The following EAF1 variants were observed in gnomAD, a reference collection of about 807,000 sequenced individuals.
EAF1 encodes ELL-associated factor 1.
EAF1 carries 19 observed loss-of-function variants against 26.6 expected under a neutral mutation model. That is an observed-to-expected ratio of 0.71 (90% CI 0.50 to 1.05). The LOEUF (loss-of-function observed/expected upper bound fraction) is 1.05, where lower values mean the gene tolerates loss of function less well. EAF1 is among the 50% of genes least tolerant of loss of function. The pLI, the probability that EAF1 is intolerant of heterozygous loss-of-function variation, is 0.00. For missense variants in EAF1, 260 were observed against 335.5 expected, an observed-to-expected ratio of 0.78 and a Z score of 1.76; for synonymous variants, 102 against 120.6, an observed-to-expected ratio of 0.85 and a Z score of 1.01.
At chr3:15,435,284 G>A (rs1225611004) in intron 4 of EAF1, among the ~76,000 whole-genome samples, 1 of 152,178 alleles carries the variant, frequency 6.6e-6, no homozygotes, top group Non-Finnish European at 1.5e-5. Flanking sequence ...TCCTTCACAC[G>A]ATGAATGGTT....
In EAF1 at chr3:15,430,021, A is replaced by ATTTT; in HGVS notation, c.198+22_198+25dup. The ATTTT allele has an allele frequency of 7.7e-7, 1 of 1,298,218 alleles. No homozygotes were observed. The highest frequency in any genetic ancestry group is 1.1e-6 in the Non-Finnish European group (1 of 945,960). The allele number at this position is 1,298,218 out of a possible 1,614,324, so 80.4% of individuals were successfully genotyped here. ...CCACATATCCCTGTGAGTTTATTTC[A>ATTTT]TTTTTTTTTTTAATGTAAGATCACA... On this transcript the variant is annotated intron_variant, in intron 2 of 5. Coordinates refer to ENST00000396842, the MANE Select transcript of EAF1 (RefSeq NM_033083.7).
At chr3:15,432,433 C>T (rs2061807316) in intron 3 of EAF1, among the ~76,000 whole-genome samples, 3 of 152,056 alleles carry the variant, frequency 2.0e-5, no homozygotes, top group Admixed American at 2.0e-4. Flanking sequence ...TTTTTAAGAC[C>T]TAAAACATGG....
At position 15,436,548 on chromosome 3, in the gene EAF1, G is replaced by C. The variant is rs781495879; in HGVS notation, c.733G>C (p.Gly245Arg). 3.1e-6 allele frequency: 5 copies of C among 1,590,054 alleles called. No homozygotes were observed. In the East Asian group the frequency reaches 1.1e-4, roughly 36 times the overall value. Residue 245 changes from glycine (G) to arginine (R), a missense_variant, in exon 5 of 6, where the codon GGA becomes CGA. Physicochemically the swap from Gly to Arg is moderately radical, Grantham distance 125. Coordinates refer to ENST00000396842, the MANE Select transcript of EAF1 (RefSeq NM_033083.7). The stretch of plus-strand genomic sequence containing the variant: ...TGCCAATGGAACCAGCCGGCCACAA[G>C]GAAGCAACCAGCTCATGAACACCCT... ...AVANGTSRPQGSNQLMNTLRN... is the reference protein window; with the variant it reads ...AVANGTSRPQRSNQLMNTLRN...
At chr3:15,431,149 G>T (rs2061799670) in intron 2 of EAF1, among the ~76,000 whole-genome samples, 1 of 152,186 alleles carries the variant, frequency 6.6e-6, no homozygotes, top group African/African-American at 2.4e-5. Flanking sequence ...CATTAAATAT[G>T]ATATTCAACA....
In EAF1 at chr3:15,442,369, AGGTT is replaced by A. The variant is rs1420758600; in HGVS notation, c.*3217_*3220del. 4 of 152,606 alleles carry A rather than the reference AGGTT, an allele frequency of 2.6e-5. No individual in the cohort carries two copies. The highest frequency in any genetic ancestry group is 6.5e-5 in the Admixed American group (1 of 15,270). 9.5% of individuals were successfully genotyped at this position (152,606 alleles called of 1,614,324 possible). ...TTCTGAAACTCAGGCCTTAACCAAT[AGGTT>A]GGAAGACAAGACCAATTGAAGAGTT... On this transcript the variant is annotated 3_prime_UTR_variant, in exon 6 of 6. Transcript: ENST00000396842.
At chr3:15,437,246 C>CTT (rs71045159) in intron 5 of EAF1, among the ~76,000 whole-genome samples, 5 of 120,450 alleles carry the variant, frequency 4.2e-5, no homozygotes, top group African/African-American at 9.6e-5. Context: ...AGTGTGGTGG[C>CTT]TTTTTTTTTT....
chr3:15,436,471 C>T lies in EAF1; in HGVS notation c.656C>T (p.Ala219Val), dbSNP rs1414739062. The T allele has an allele frequency of 1.2e-6, 2 of 1,612,964 alleles. No individual in the cohort carries two copies. The highest frequency in any genetic ancestry group is 1.7e-6 in the Non-Finnish European group (2 of 1,178,962). The change falls in exon 5 of 6, where the codon GCC (alanine) becomes GTC (valine). Residue 219 changes from alanine (A) to valine (V), a missense_variant. By Grantham distance (64) the Ala-to-Val change is moderately conservative. Coordinates refer to ENST00000396842, the MANE Select transcript of EAF1 (RefSeq NM_033083.7). ...AGTGGAGGCGAGGACAATGGCCCAGCCTCTCCTCCGCAGCCTTCACACCAG... is the reference window on the plus strand; with the variant it reads ...AGTGGAGGCGAGGACAATGGCCCAGTCTCTCCTCCGCAGCCTTCACACCAG... ...SSSGGEDNGP[A>V]SPPQPSHQQP...
chr3:15,436,194 T>C, intron 4 of EAF1, 148 bp from the exon 5 acceptor site: 1 of 532,510 alleles, frequency 1.9e-6, no homozygotes, highest in Non-Finnish European at 3.2e-6. Flanking sequence ...ATTTTGTTTG[T>C]ACATTTTTTA....
At chr3:15,433,160 A>G (rs534201354) in intron 3 of EAF1, 1 of 152,226 alleles carries the variant, frequency 6.6e-6, no homozygotes, top group Admixed American at 6.6e-5. Flanking sequence ...CACAGGGGCC[A>G]TGCTAATCTT....
intron 2 of EAF1, among the ~76,000 whole-genome samples, chr3:15,431,848 C>G (rs1168256118): frequency 6.6e-6 from 1 of 152,194 alleles, no homozygotes; most frequent in African/African-American, 2.4e-5. Context: ...GTAATTAAAA[C>G]TTTTATACTA....
At chr3:15,430,411 G>A (rs578201270) in intron 2 of EAF1, among the ~76,000 whole-genome samples, 1 of 146,024 alleles carries the variant, frequency 6.8e-6, no homozygotes, top group African/African-American at 2.6e-5. Flanking sequence ...AGTAAACCAA[G>A]ATCACGCCAC....
rs1444455611 is a variant in EAF1 at position 15,432,095 on chromosome 3, A to G, written c.207A>G (p.Thr69=). 6.2e-7 allele frequency: 1 copy of G among 1,613,218 alleles called. No individual in the cohort carries two copies. The highest frequency in any genetic ancestry group is 8.5e-7 in the Non-Finnish European group (1 of 1,179,722). The change falls in exon 3 of 6, where the codon ACA becomes ACG. Residue 69 remains threonine, a synonymous_variant. Transcript: ENST00000396842. ...TITLPHIPGS[T]PPMTVFKGNK... ...ACTTTTGTGGCAAATAGGGATCCAC[A>G]CCACCCATGACTGTGTTCAAGGGGA... is the stretch of plus-strand genomic sequence containing the variant.
rs1195568514 is a variant in EAF1, at chr3:15,439,453, C to T, written c.*298C>T. ...GAAAAACAGATAAATGTGCCCTGGT[C>T]TAAGTTACTCAAAGGCCATATCTTC... On this transcript the variant is annotated 3_prime_UTR_variant, in exon 6 of 6. Transcript: ENST00000396842. 1 of 268,744 alleles carries T rather than the reference C, an allele frequency of 3.7e-6. No homozygotes were observed. Among genetic ancestry groups the T allele is most frequent in the African/African-American group, 2.2e-5 (1 of 45,102 alleles). The allele number at this position is 268,744 out of a possible 1,614,324, so 16.6% of individuals were successfully genotyped here. A position where few individuals can be genotyped will look rare whatever the true frequency, so the allele number is the denominator to read the frequency against.
At position 15,436,567 on chromosome 3, in the gene EAF1, A is replaced by T; in HGVS notation, c.752A>T (p.Asn251Ile). 1 of 1,586,672 alleles carries T rather than the reference A, an allele frequency of 6.3e-7. No homozygotes were observed. Among genetic ancestry groups the T allele is most frequent in the Non-Finnish European group, 8.6e-7 (1 of 1,157,432 alleles). The stretch of plus-strand genomic sequence containing the variant: ...CCACAAGGAAGCAACCAGCTCATGA[A>T]CACCCTCAGTAAGTGTGTACTCCTT... ...SRPQGSNQLM[N>I]TLRNDLQLSE... Residue 251 changes from asparagine to isoleucine, a missense_variant, in exon 5 of 6, where the codon AAC becomes ATC. By Grantham distance (149) the Asn-to-Ile change is moderately radical (BLOSUM62 -3). Transcript: ENST00000396842.
At position 15,434,784 on chromosome 3, in the gene EAF1, G is replaced by A. The variant is rs55821434; in HGVS notation, c.526+246G>A. On this transcript the variant is annotated intron_variant, in intron 4 of 5. Coordinates refer to ENST00000396842, the MANE Select transcript of EAF1 (RefSeq NM_033083.7). Reference sequence around the variant, plus strand: ...GCTATCTTTGTAGCCATTCTGCTTAGAGGCCTAGGATTTAAACAAGCATGA... The same window carrying A: ...GCTATCTTTGTAGCCATTCTGCTTAAAGGCCTAGGATTTAAACAAGCATGA... Among the ~76,000 whole-genome samples the A allele has an allele frequency of 2.5e-3, 386 of 152,336 alleles. 3 individuals carry two copies. Among genetic ancestry groups the A allele is most frequent in the Non-Finnish European group, 4.6e-3 (312 of 68,032 alleles).
At position 15,431,459 on chromosome 3, in the gene EAF1, G is replaced by T. The variant is rs146179306; in HGVS notation, c.199-628G>T. On this transcript the variant is annotated intron_variant, in intron 2 of 5. Transcript: ENST00000396842. Reference sequence around the variant, plus strand: ...GAGGCAGGAGAGAGCTTGAGGATAGGAGGGAAGCCAGTTGCCTTCTGCTCT... The same window carrying T: ...GAGGCAGGAGAGAGCTTGAGGATAGTAGGGAAGCCAGTTGCCTTCTGCTCT... Among the ~76,000 whole-genome samples, 936 of 152,318 alleles carry T rather than the reference G, an allele frequency of 6.1e-3. 10 individuals carry two copies. Among genetic ancestry groups the T allele is most frequent in the Non-Finnish European group, 8.7e-3 (594 of 68,030 alleles).
chr3:15,436,983 C>T (rs2125067792), intron 5 of EAF1, among the ~76,000 whole-genome samples: 1 of 152,136 alleles, frequency 6.6e-6, no homozygotes, highest in Middle Eastern at 3.4e-3. Context: ...GCAACCTCCA[C>T]CTCTCGGGTT....
At chr3:15,430,526 G>A (rs542741870) in intron 2 of EAF1, among the ~76,000 whole-genome samples, 5 of 151,532 alleles carry the variant, frequency 3.3e-5, no homozygotes, top group Admixed American at 2.6e-4. Flanking sequence ...CTGCTACTGA[G>A]TAGACAAGGT....
rs1196394413 is a variant in EAF1 at position 15,434,532 on chromosome 3, A to C, written c.520A>C (p.Lys174Gln). The C allele has an allele frequency of 1.9e-6, 3 of 1,614,036 alleles. No homozygotes were observed. Among genetic ancestry groups the C allele is most frequent in the Non-Finnish European group, 2.5e-6 (3 of 1,179,996 alleles). ...ACCTGAACCTCAGTTGGATGACATC[A>C]AAAGAGGTAGAGAACATTTTCTGGA... ...PSPEPQLDDI[K>Q]RELRAEVDII... The change falls in exon 4 of 6, where the codon AAA (lysine) becomes CAA (glutamine). Residue 174 changes from lysine to glutamine, a missense_variant. Coordinates refer to ENST00000396842, the MANE Select transcript of EAF1 (RefSeq NM_033083.7).
Sources: gnomAD v4.1 joint callset for allele counts (sites outside exome capture counted in the v4.1 genomes callset) on GRCh38, gnomAD v4.1.1 for gene constraint, MANE v1.5 for transcripts, NCBI Gene and HGNC (gene_info 2026-07-23, HGNC 2026-07-21) for gene names.